Variants in SGSM1 observed in about 807,000 individuals in gnomAD.
SGSM1 encodes the protein small G protein signaling modulator 1.
Under a neutral mutation model 133.8 loss-of-function variants are expected in SGSM1, and 73 were observed. The ratio of observed to expected loss-of-function variants is 0.55; its 90% CI spans 0.45 to 0.66. The LOEUF is 0.66. Ranked by LOEUF, SGSM1 falls within the 30% of genes least tolerant of loss-of-function variation. The pLI, the probability that SGSM1 is intolerant of heterozygous loss-of-function variation, is 0.00. For synonymous variants in SGSM1, 563 were observed against 573.0 expected (o/e 0.98, Z 0.25); for missense variants, 1,213 against 1,448.1 (o/e 0.84, Z 2.64).
intron 10 of SGSM1, among the ~76,000 whole-genome samples, chr22:24,868,055 AG>A (rs1931552741): frequency 6.6e-6 from 1 of 152,134 alleles, no homozygotes; most frequent in Non-Finnish European, 1.5e-5. Context: ...AAAATAGGTC[AG>A]GTAGACTTGT....
chr22:24,867,135 T>C lies in SGSM1; in HGVS notation c.969T>C (p.Ile323=), dbSNP rs748956975. 3.7e-6 allele frequency: 6 copies of C among 1,613,812 alleles called. No homozygotes were observed. The highest frequency in any genetic ancestry group is 3.3e-4 in the Middle Eastern group (2 of 6,062). The change falls in exon 10 of 25, where the codon ATT becomes ATC. Residue 323 remains isoleucine (I), a synonymous_variant. Coordinates refer to ENST00000400358, the MANE Select transcript of SGSM1 (RefSeq NM_001098497.3). ...CCATGACCATCCGCTTGGAGGAGATTGTCTACCTGCACTGCCACCAGCAAG... is the reference window on the plus strand; with the variant it reads ...CCATGACCATCCGCTTGGAGGAGATCGTCTACCTGCACTGCCACCAGCAAG... ...DYAMTIRLEE[I]VYLHCHQQVD... is the part of the protein sequence containing the mutation.
chr22:24,845,828 G>A (rs900573445), intron 3 of SGSM1, among the ~76,000 whole-genome samples: 29 of 143,376 alleles, frequency 2.0e-4, no homozygotes, highest in African/African-American at 6.5e-4. Context: ...CACCTCTGCC[G>A]CTTTCTTGGG....
At chr22:24,855,857 C>A (rs1930749234) in intron 8 of SGSM1, 177 bp downstream of exon 8, 3 of 908,988 alleles carry the variant, frequency 3.3e-6, no homozygotes, top group African/African-American at 1.6e-5. Flanking sequence ...ACGCACCCAT[C>A]CTTACATCCA....
At chr22:24,908,627 C>G (rs987710829) in intron 21 of SGSM1, among the ~76,000 whole-genome samples, 4 of 151,878 alleles carry the variant, frequency 2.6e-5, no homozygotes, top group Admixed American at 2.0e-4. Context: ...ATGGTGAAAC[C>G]CTGTCTCTAC....
chr22:24,906,470 T>C (rs544936714), intron 21 of SGSM1, among the ~76,000 whole-genome samples: 1 of 152,340 alleles, frequency 6.6e-6, no homozygotes, highest in African/African-American at 2.4e-5. Flanking sequence ...GATGATGTGA[T>C]TTTGCGTATA....
chr22:24,918,591 A>G (rs1360701457), intron 23 of SGSM1, among the ~76,000 whole-genome samples: 1 of 151,972 alleles, frequency 6.6e-6, no homozygotes, highest in Non-Finnish European at 1.5e-5. Context: ...TTTTTCTGTT[A>G]TCAGCTTCAG....
intron 3 of SGSM1, among the ~76,000 whole-genome samples, chr22:24,846,380 TTACA>T (rs780017559): frequency 6.6e-6 from 1 of 152,090 alleles, no homozygotes; most frequent in African/African-American, 2.4e-5. Context: ...ATGCACATAA[TTACA>T]TACATATATG....
At chr22:24,815,411 A>G (rs1228988372) in intron 2 of SGSM1, among the ~76,000 whole-genome samples, 1 of 152,224 alleles carries the variant, frequency 6.6e-6, no homozygotes, top group East Asian at 1.9e-4. Context: ...TCAGAGGTTT[A>G]TATAGCAGGA....
chr22:24,855,640 C>T lies in SGSM1; in HGVS notation c.761C>T (p.Ala254Val). The T allele has an allele frequency of 1.2e-6, 2 of 1,613,980 alleles. No individual in the cohort carries two copies. Among genetic ancestry groups the T allele is most frequent in the Non-Finnish European group, 1.7e-6 (2 of 1,179,882 alleles). ...YVESLHQNSR[A>V]TLLYGKNNVL... is the part of the protein sequence containing the mutation. ...GAGTCCCTGCATCAGAACTCCCGTG[C>T]CACCCTTCTCTATGGCAAAAACAAC... The change falls in exon 8 of 25, where the codon GCC (alanine) becomes GTC (valine). Residue 254 changes from alanine (A) to valine (V), a missense_variant. Transcript: ENST00000400358.
chr22:24,855,429 G>T lies in SGSM1; in HGVS notation c.668G>T (p.Cys223Phe), dbSNP rs1228633360. ...QDSPTKRPAL[C>F]IQKRHSSGSM... ...TCGCCCACCAAGCGTCCTGCCCTCT[G>T]TGTGAGTGGGGTGGACAGTGGGGCA... is the stretch of plus-strand genomic sequence containing the variant. Residue 223 changes from cysteine to phenylalanine, a missense_variant and splice_region_variant, in exon 7 of 25, where the codon TGT (cysteine) becomes TTT (phenylalanine). Coordinates refer to ENST00000400358, the MANE Select transcript of SGSM1 (RefSeq NM_001098497.3). 1 of 1,613,438 alleles carries T rather than the reference G, an allele frequency of 6.2e-7. No individual in the cohort carries two copies. The highest frequency in any genetic ancestry group is 1.7e-5 in the Admixed American group (1 of 59,994).
chr22:24,919,040 CTTTTTT>C (rs143985087), intron 23 of SGSM1, among the ~76,000 whole-genome samples: 1 of 71,774 alleles, frequency 1.4e-5, no homozygotes, highest in Non-Finnish European at 2.5e-5. Flanking sequence ...CACACCCGGC[CTTTTTT>C]TTTTTTTTTT....
intron 14 of SGSM1, among the ~76,000 whole-genome samples, chr22:24,883,268 C>T (rs958328835): frequency 1.4e-4 from 21 of 152,164 alleles, no homozygotes; most frequent in Non-Finnish European, 2.6e-4. Context: ...TGTTGGCTAT[C>T]ATGAATGGTG....
chr22:24,898,864 A>G (rs1230982826), intron 19 of SGSM1, among the ~76,000 whole-genome samples: 1 of 152,034 alleles, frequency 6.6e-6, no homozygotes, highest in Non-Finnish European at 1.5e-5. Flanking sequence ...TGTCTCTACT[A>G]AAAGTACAAA....
chr22:24,887,418 G>A (rs1292024918), intron 16 of SGSM1, among the ~76,000 whole-genome samples: 1 of 152,140 alleles, frequency 6.6e-6, no homozygotes, highest in African/African-American at 2.4e-5. Flanking sequence ...CCAAGTTGTT[G>A]AGAGTATCAA....
intron 8 of SGSM1, among the ~76,000 whole-genome samples, chr22:24,858,654 A>AAAAAACAAAG (rs1268815477): frequency 7.0e-6 from 1 of 142,722 alleles, no homozygotes; most frequent in African/African-American, 2.7e-5. Flanking sequence ...AAAAAAAAAA[A>AAAAAACAAAG]AAGAAGAAAG....
At chr22:24,893,016 C>T (rs1338615440) in intron 16 of SGSM1, among the ~76,000 whole-genome samples, 1 of 150,628 alleles carries the variant, frequency 6.6e-6, no homozygotes, top group Non-Finnish European at 1.5e-5. Flanking sequence ...GATTGTGCTA[C>T]AGCACTCCAG....
chr22:24,855,341 G>T lies in SGSM1; in HGVS notation c.580G>T (p.Asp194Tyr). 3.1e-6 allele frequency: 5 copies of T among 1,613,140 alleles called. No individual in the cohort carries two copies. The highest frequency in any genetic ancestry group is 4.2e-6 in the Non-Finnish European group (5 of 1,179,548). ...GAAGACTGCAGATCACTTCTGGACC[G>T]ATCCCTCGGCTGACGAACTTGTCCA... Reference protein sequence around the residue: ...KMKTADHFWTDPSADELVQRH... With the variant: ...KMKTADHFWTYPSADELVQRH... The change falls in exon 7 of 25, where the codon GAT (aspartate) becomes TAT (tyrosine). Residue 194 changes from aspartate to tyrosine, a missense_variant. Transcript: ENST00000400358.
Position 24,919,846 on chromosome 22 carries a change from T to C in SGSM1, c.3046T>C (p.Phe1016Leu). ...FKRELVYDDV[F>L]LVWETIWAAK... ...GGCAGAACTCGTCTATGATGACGTCTTCTTGGTCTGGGAGACCATCTGGGC... is the reference window on the plus strand; with the variant it reads ...GGCAGAACTCGTCTATGATGACGTCCTCTTGGTCTGGGAGACCATCTGGGC... The change falls in exon 24 of 25, where the codon TTC becomes CTC. Residue 1016 changes from phenylalanine (F) to leucine (L), a missense_variant. Coordinates refer to ENST00000400358, the MANE Select transcript of SGSM1 (RefSeq NM_001098497.3). The C allele has an allele frequency of 1.2e-6, 2 of 1,614,072 alleles. No homozygotes were observed. Among genetic ancestry groups the C allele is most frequent in the Non-Finnish European group, 1.7e-6 (2 of 1,179,908 alleles).
chr22:24,844,837 A>G, intron 2 of SGSM1, 60 bp from the exon 3 acceptor site: 2 of 1,557,168 alleles, frequency 1.3e-6, no homozygotes, highest in Non-Finnish European at 1.8e-6. Context: ...TGGGGCACCT[A>G]TACCCAGGTC....
Sources: gnomAD v4.1 joint callset for allele counts (sites outside exome capture counted in the v4.1 genomes callset) on GRCh38, gnomAD v4.1.1 for gene constraint, MANE v1.5 for transcripts, NCBI Gene and HGNC (gene_info 2026-07-23, HGNC 2026-07-21) for gene names.